MTCH2: variants seen among roughly 807,000 people sequenced by gnomAD.
The protein encoded by MTCH2 is mitochondrial carrier homolog 2.
In MTCH2, 25 loss-of-function variants were observed where a neutral mutation model predicts 50.6. That is an observed-to-expected ratio of 0.49 (90% confidence interval 0.36 to 0.69). MTCH2 has a LOEUF of 0.69. Ranked by LOEUF, MTCH2 falls within the 30% of genes least tolerant of loss-of-function variation. The pLI is 0.00. For synonymous variants in MTCH2, 106 were observed against 132.0 expected, an observed-to-expected ratio of 0.80 and a Z score of 1.35; for missense variants, 273 against 384.4, an observed-to-expected ratio of 0.71 and a Z score of 2.42.
At chr11:47,621,279 C>T (rs1368681935) in intron 12 of MTCH2, among the ~76,000 whole-genome samples, 2 of 152,170 alleles carry the variant, frequency 1.3e-5, no homozygotes, top group East Asian at 3.8e-4. Context: ...ATCACTAGTG[C>T]TATAAAATAA....
intron 3 of MTCH2, among the ~76,000 whole-genome samples, chr11:47,636,953 A>C (rs2097309212): frequency 2.9e-5 from 3 of 104,506 alleles, no homozygotes; most frequent in Non-Finnish European, 5.5e-5. Context: ...AGAAAATTCA[A>C]GAACTCTGTT....
At chr11:47,631,815 T>C in intron 5 of MTCH2, 104 bp from the exon 6 acceptor site, 1 of 1,178,086 alleles carries the variant, frequency 8.5e-7, no homozygotes, top group South Asian at 1.3e-5. Context: ...AGAAAGTGAA[T>C]GACACAGCCC....
chr11:47,607,452 G>A, the MTCH2 span, among the ~76,000 whole-genome samples: 1 of 152,276 alleles, frequency 6.6e-6, no homozygotes, highest in East Asian at 1.9e-4. Context: ...GTGTGGGGGC[G>A]GAGGACAGGA....
intron 10 of MTCH2, among the ~76,000 whole-genome samples, chr11:47,626,486 T>C (rs2097298296): frequency 6.6e-6 from 1 of 152,008 alleles, no homozygotes. Flanking sequence ...AACAATATTA[T>C]TTCGGAGGAA....
At chr11:47,630,722 C>T in intron 7 of MTCH2, 108 bp from the exon 8 acceptor site, 1 of 1,023,158 alleles carries the variant, frequency 9.8e-7, no homozygotes, top group South Asian at 1.4e-5. Flanking sequence ...GACCTCCTTC[C>T]CTCACACTTT....
chr11:47,635,566 G>C lies in MTCH2; in HGVS notation c.285C>G (p.Tyr95Ter), dbSNP rs753157114. The change falls in exon 4 of 13, where the codon TAC becomes TAG. Residue 95 changes from tyrosine (Y) to a stop codon, truncating the protein, a stop_gained. Coordinates refer to ENST00000302503, the MANE Select transcript of MTCH2 (RefSeq NM_014342.4). LOFTEE classifies it high-confidence loss of function. ...ATACCTCACCCTTGTCACTCTCCTG[G>C]TAATGCTATAGAAAAAAAGAAAAAG... ...TVVHGKVLQH[Y>*]QESDKGEELG... The C allele has an allele frequency of 6.2e-7, 1 of 1,612,958 alleles. No individual in the cohort carries two copies. The highest frequency in any genetic ancestry group is 1.7e-5 in the Admixed American group (1 of 59,988).
At chr11:47,639,706 C>T (rs941343836) in intron 1 of MTCH2, among the ~76,000 whole-genome samples, 6 of 151,766 alleles carry the variant, frequency 4.0e-5, no homozygotes, top group South Asian at 4.2e-4. Context: ...GGCGTAGGGG[C>T]GGGCGCCTGT....
Position 47,630,585 on chromosome 11 carries a change from T to C in MTCH2, c.509A>G (p.Tyr170Cys), listed in dbSNP as rs376221258. The C allele has an allele frequency of 2.5e-6, 4 of 1,612,950 alleles. No homozygotes were observed. Among genetic ancestry groups the C allele is most frequent in the African/African-American group, 1.3e-5 (1 of 74,912 alleles). Residue 170 changes from tyrosine (Y) to cysteine (C), a missense_variant, in exon 8 of 13, where the codon TAT (tyrosine) becomes TGT (cysteine). This residue lies in a region of MTCH2 where 203 missense variants were observed against 244.3 expected (regional missense o/e 0.83). Coordinates refer to ENST00000302503, the MANE Select transcript of MTCH2 (RefSeq NM_014342.4). ...CGLCDSIITI[Y>C]REEGILGFFA... ...AAATCCTAGAATGCCCTCTTCCCGA[T>C]AGATGGTTATTATGGAATCACAAAG... is the stretch of plus-strand genomic sequence containing the variant.
intron 10 of MTCH2, among the ~76,000 whole-genome samples, chr11:47,626,188 G>A (rs536317770): frequency 4.9e-4 from 75 of 151,658 alleles, no homozygotes; most frequent in African/African-American, 1.7e-3. Context: ...CTGGGATTAC[G>A]GGCATGCACC....
chr11:47,608,875 G>A, the MTCH2 span, among the ~76,000 whole-genome samples: 12 of 149,648 alleles, frequency 8.0e-5, no homozygotes, highest in Non-Finnish European at 1.2e-4. Context: ...GGAGAATGGC[G>A]TGAACCCGGG....
rs368256862 is a variant in MTCH2, at chr11:47,631,720, A to G, written c.370-9T>C. On this transcript the variant is annotated splice_polypyrimidine_tract_variant and intron_variant, in intron 5 of 12. Transcript: ENST00000302503. Reference sequence around the variant, plus strand: ...ATCATCTCTCGAGTTGTCTAGAAACAATCAACACACACTTCTGAAATCTAA... The same window carrying G: ...ATCATCTCTCGAGTTGTCTAGAAACGATCAACACACACTTCTGAAATCTAA... 6 of 1,613,854 alleles carry G rather than the reference A, an allele frequency of 3.7e-6. No individual in the cohort carries two copies. The highest frequency in any genetic ancestry group is 5.1e-6 in the Non-Finnish European group (6 of 1,179,926).
chr11:47,616,983 C>G (rs772482154), downstream of MTCH2, among the ~76,000 whole-genome samples: 3 of 152,174 alleles, frequency 2.0e-5, no homozygotes, highest in Non-Finnish European at 2.9e-5. Context: ...TGCGCCCGGT[C>G]GCATGTGTTT....
intron 5 of MTCH2, among the ~76,000 whole-genome samples, chr11:47,633,526 A>AT (rs869251946): frequency 2.6e-4 from 9 of 35,076 alleles, no homozygotes; most frequent in African/African-American, 6.6e-4. Context: ...ATATATATAT[A>AT]TTTTTTTTTT....
chr11:47,642,170 C>G (rs1378799147), intron 1 of MTCH2, among the ~76,000 whole-genome samples: 2 of 152,130 alleles, frequency 1.3e-5, no homozygotes, highest in African/African-American at 4.8e-5. Context: ...GGCCTCAACG[C>G]TGGGCGGCGA....
At chr11:47,641,180 G>A (rs1037353586) in intron 1 of MTCH2, among the ~76,000 whole-genome samples, 9 of 152,172 alleles carry the variant, frequency 5.9e-5, no homozygotes, top group Admixed American at 3.9e-4. Flanking sequence ...GTGAGCGAAC[G>A]CGCCCGGCCC....
chr11:47,625,534 CT>C (rs2097297257), intron 11 of MTCH2, 139 bp downstream of exon 11: 1 of 634,150 alleles, frequency 1.6e-6, no homozygotes, highest in South Asian at 2.3e-5. Flanking sequence ...ATCAATTATA[CT>C]TTTCCTCCCC....
At chr11:47,618,987 C>CA in intron 12 of MTCH2, 68 bp from the exon 13 acceptor site, 2 of 1,390,676 alleles carry the variant, frequency 1.4e-6, no homozygotes, top group South Asian at 2.3e-5. Flanking sequence ...TCCAAATCAG[C>CA]AGAGAGGTCC....
chr11:47,631,793 T>C (rs909920975), intron 5 of MTCH2, 82 bp from the exon 6 acceptor site: 2 of 1,455,988 alleles, frequency 1.4e-6, no homozygotes, highest in African/African-American at 2.8e-5. Context: ...GTGGATATCG[T>C]GGTATAGGAT....
At chr11:47,608,542 G>A in the MTCH2 span, among the ~76,000 whole-genome samples, 1 of 152,180 alleles carries the variant, frequency 6.6e-6, no homozygotes, top group South Asian at 2.1e-4. Context: ...CCTGCACAAG[G>A]CTTCCGTGGA....
Sources: gnomAD v4.1 joint callset for allele counts (sites outside exome capture counted in the v4.1 genomes callset) on GRCh38, gnomAD v4.1.1 for gene constraint, gnomAD v4.1.1 regional missense constraint, MANE v1.5 for transcripts, NCBI Gene and HGNC (gene_info 2026-07-23, HGNC 2026-07-21) for gene names.